PHKA1: variants seen among roughly 807,000 people sequenced by gnomAD.
PHKA1 encodes the protein phosphorylase kinase regulatory subunit alpha 1.
A neutral mutation model predicts 110.2 loss-of-function variants in PHKA1; 60 were observed. The observed-to-expected ratio is 0.54, with a 90% CI of 0.44 to 0.68. PHKA1 has a LOEUF of 0.68. PHKA1 is among the 30% of genes least tolerant of loss of function. The pLI is 0.00. For missense variants in PHKA1, 801 were observed against 942.5 expected (o/e 0.85, Z 1.97); for synonymous variants, 316 against 333.6 (o/e 0.95, Z 0.58).
chrX:72,611,212 A>G, intron 21 of PHKA1, 28 bp from the exon 22 acceptor site: 2 of 1,138,938 alleles, frequency 1.8e-6, no homozygotes, highest in Non-Finnish European at 2.4e-6. Flanking sequence ...GGACTACATC[A>G]GTTTTAAGTA....
chrX:72,709,633 G>C (rs1218531117), intron 2 of PHKA1, among the ~76,000 whole-genome samples: 1 of 110,362 alleles, frequency 9.1e-6, no homozygotes, highest in East Asian at 2.8e-4. Context: ...CTTCACACTG[G>C]CTATACATTA....
chrX:72,667,321 T>C (rs1556306818), intron 7 of PHKA1, 54 bp downstream of exon 7: 3 of 895,362 alleles, frequency 3.4e-6, no homozygotes, highest in Non-Finnish European at 3.2e-6. Flanking sequence ...CATGCTTAAA[T>C]CTGAGTCTGG....
At chrX:72,661,264 T>C (rs1401391529) in intron 8 of PHKA1, among the ~76,000 whole-genome samples, 8 of 111,915 alleles carry the variant, frequency 7.1e-5, no homozygotes, top group Non-Finnish European at 1.1e-4. Context: ...AAATATTAAG[T>C]AATTGGCTTT....
intron 18 of PHKA1, chrX:72,622,534 G>A: frequency 1.3e-6 from 1 of 752,573 alleles, no homozygotes; most frequent in Non-Finnish European, 1.6e-6. Flanking sequence ...TTCAATGCAT[G>A]CCCCTGCAAT....
chrX:72,683,635 T>C lies in PHKA1; in HGVS notation c.537+863A>G, dbSNP rs782464883. On this transcript the variant is annotated intron_variant, in intron 5 of 31. Transcript: ENST00000373542. ...TCCTCATACTCTTCTGTAATTTATCTCTCCCTCTGCTCCTCTCCTGAGGCA... is the reference window on the plus strand; with the variant it reads ...TCCTCATACTCTTCTGTAATTTATCCCTCCCTCTGCTCCTCTCCTGAGGCA... Among the ~76,000 whole-genome samples the C allele has an allele frequency of 2.7e-5, 3 of 112,373 alleles. No homozygotes were observed. In the South Asian group the frequency reaches 1.1e-3, roughly 42 times the overall value.
intron 2 of PHKA1, among the ~76,000 whole-genome samples, chrX:72,710,986 C>A (rs924321551): frequency 9.4e-6 from 1 of 106,709 alleles, no homozygotes; most frequent in African/African-American, 3.4e-5. Flanking sequence ...CTCAGCCTCC[C>A]GAGTAGCTGG....
chrX:72,658,921 G>GA (rs2053528912), intron 8 of PHKA1, among the ~76,000 whole-genome samples: 1 of 111,872 alleles, frequency 8.9e-6, no homozygotes, highest in Admixed American at 9.5e-5. Flanking sequence ...TATTTTGGGG[G>GA]AGATACTGTG....
In PHKA1 at chrX:72,591,321, C is replaced by T. The variant is rs781794779; in HGVS notation, c.3243+1783G>A. ...GCAAACTATCACAAGGACAGAAAAC[C>T]AAACACCACATGTTCTCAGTCATAG... On this transcript the variant is annotated intron_variant, in intron 29 of 31. Coordinates refer to ENST00000373542, the MANE Select transcript of PHKA1 (RefSeq NM_002637.4). Among the ~76,000 whole-genome samples the T allele has an allele frequency of 9.9e-5, 11 of 111,005 alleles. No individual in the cohort carries two copies. In the East Asian group the frequency reaches 3.1e-3, roughly 31 times the overall value.
At chrX:72,639,493 G>A (rs1042194789) in intron 14 of PHKA1, among the ~76,000 whole-genome samples, 14 of 111,452 alleles carry the variant, frequency 1.3e-4, no homozygotes, top group East Asian at 1.1e-3. Flanking sequence ...CCGAGATCGC[G>A]CCACTGCACT....
chrX:72,682,272 G>A (rs1367879611), intron 5 of PHKA1, among the ~76,000 whole-genome samples: 5 of 89,100 alleles, frequency 5.6e-5, no homozygotes, highest in East Asian at 4.1e-4. Context: ...CAGCCGCCCC[G>A]TCCGGGAGGG....
Position 72,582,427 on chromosome X carries a change from T to C in PHKA1, c.3469A>G (p.Ile1157Val). ...TCTTGAAGGAACAAGTCATTGGCAATATGCACTATTTTTTCCACAGCAATG... is the reference window on the plus strand; with the variant it reads ...TCTTGAAGGAACAAGTCATTGGCAACATGCACTATTTTTTCCACAGCAATG... ...SIIAVEKIVH[I>V]ANDLFLQEQK... The change falls in exon 31 of 32, where the codon ATT becomes GTT. Residue 1157 changes from isoleucine to valine, a missense_variant. By Grantham distance (29) the Ile-to-Val change is conservative (BLOSUM62 3). Coordinates refer to ENST00000373542, the MANE Select transcript of PHKA1 (RefSeq NM_002637.4). 8.3e-7 allele frequency: 1 copy of C among 1,203,012 alleles called. No individual in the cohort carries two copies. The highest frequency in any genetic ancestry group is 1.1e-6 in the Non-Finnish European group (1 of 887,658).
chrX:72,653,570 G>C, intron 10 of PHKA1, 40 bp from the exon 11 acceptor site: 1 of 946,641 alleles, frequency 1.1e-6, no homozygotes, highest in Non-Finnish European at 1.5e-6. Flanking sequence ...GACTTACAGA[G>C]AGTCCCTTTG....
At chrX:72,698,504 T>A (rs1268474039) in intron 3 of PHKA1, among the ~76,000 whole-genome samples, 1 of 112,346 alleles carries the variant, frequency 8.9e-6, no homozygotes, top group African/African-American at 3.2e-5. Flanking sequence ...TCAAGCAATT[T>A]CATACTTATC....
intron 4 of PHKA1, among the ~76,000 whole-genome samples, chrX:72,687,860 T>C (rs2053986628): frequency 9.4e-6 from 1 of 106,544 alleles, no homozygotes. Flanking sequence ...AGAGTCTCGC[T>C]CTGTTGCCCA....
intron 21 of PHKA1, among the ~76,000 whole-genome samples, chrX:72,615,774 G>GAAGT (rs2052887554): frequency 9.8e-6 from 1 of 102,016 alleles, no homozygotes; most frequent in South Asian, 5.0e-4. Flanking sequence ...AGGAAGGAAG[G>GAAGT]AAGGAAGGAA....
intron 5 of PHKA1, among the ~76,000 whole-genome samples, chrX:72,680,963 G>A (rs1307871929): frequency 3.5e-5 from 2 of 57,186 alleles, no homozygotes; most frequent in Non-Finnish European, 6.1e-5. Flanking sequence ...TGGGAAGTGA[G>A]GAGTGTCTCT....
chrX:72,628,187 G>A (rs2053112711), intron 16 of PHKA1, among the ~76,000 whole-genome samples: 1 of 110,266 alleles, frequency 9.1e-6, no homozygotes, highest in Non-Finnish European at 1.9e-5. Context: ...TAATCTGATA[G>A]GTAAAACAAG....
chrX:72,599,892 A>C (rs1603253170), intron 28 of PHKA1: 2 of 525,588 alleles, frequency 3.8e-6, no homozygotes, highest in African/African-American at 2.3e-5. Flanking sequence ...GAGAAAATAA[A>C]ATTTTAAAAG....
At chrX:72,619,129 G>T in intron 20 of PHKA1, 85 bp downstream of exon 20, 1 of 617,942 alleles carries the variant, frequency 1.6e-6, no homozygotes, top group Non-Finnish European at 2.7e-6. Context: ...TTAGTAACAA[G>T]AACCATAATG....
Sources: allele counts gnomAD v4.1 joint callset (sites outside exome capture counted in the v4.1 genomes callset), GRCh38; gene constraint gnomAD v4.1.1; transcripts MANE v1.5; gene names NCBI Gene and HGNC (gene_info 2026-07-23, HGNC 2026-07-21).